The following PTPRD variants were observed in gnomAD, a reference collection of about 807,000 sequenced individuals.
PTPRD encodes receptor-type tyrosine-protein phosphatase delta.
In PTPRD, 34 loss-of-function variants were observed where a neutral mutation model predicts 214.5. The ratio of observed to expected loss-of-function variants is 0.16; its 90% confidence interval spans 0.12 to 0.21. PTPRD has a LOEUF of 0.21. Among genes scored for constraint, PTPRD ranks in the 10% least tolerant of loss-of-function variants. PTPRD has a pLI of 1.00. For synonymous variants in PTPRD, 1,128 were observed against 845.7 expected, an observed-to-expected ratio of 1.33 and a Z score of -5.79; for missense variants, 2,545 against 2,398.7, an observed-to-expected ratio of 1.06 and a Z score of -1.27.
At chr9:9,615,238 T>A (rs536639074) in intron 7 of PTPRD, among the ~76,000 whole-genome samples, 110 of 152,270 alleles carry the variant, frequency 7.2e-4, no homozygotes, top group Non-Finnish European at 1.3e-3. Flanking sequence ...ACCAAGTAGT[T>A]GCTCCTCCTG....
Position 9,963,528 on chromosome 9 carries a change from G to A in PTPRD, c.-471-24918C>T, listed in dbSNP as rs370778480. 1.4e-3 allele frequency among the ~76,000 whole-genome samples: 216 copies of A among 152,206 alleles called. 5 individuals are homozygous for A. In the South Asian group the frequency reaches 0.043, roughly 31 times the overall value. On this transcript the variant is annotated intron_variant, in intron 4 of 45. Transcript: ENST00000381196. ...ATGGAAACCAGATGGAAGCATCATCGAATAAATCAAGGAAATACAGTGGCA... is the reference window on the plus strand; with the variant it reads ...ATGGAAACCAGATGGAAGCATCATCAAATAAATCAAGGAAATACAGTGGCA...
chr9:10,113,909 T>A (rs2098710741), intron 3 of PTPRD, among the ~76,000 whole-genome samples: 1 of 152,182 alleles, frequency 6.6e-6, no homozygotes, highest in Non-Finnish European at 1.5e-5. Flanking sequence ...CGGGATTCAT[T>A]TACTGTTAGC....
intron 5 of PTPRD, among the ~76,000 whole-genome samples, chr9:9,840,812 G>A (rs1047801569): frequency 5.0e-5 from 7 of 140,714 alleles, no homozygotes; most frequent in African/African-American, 1.6e-4. Flanking sequence ...GAAAGGGGAA[G>A]GGAAATACAC....
At chr9:9,942,726 G>T (rs895616780) in intron 4 of PTPRD, among the ~76,000 whole-genome samples, 2 of 152,038 alleles carry the variant, frequency 1.3e-5, no homozygotes, top group Admixed American at 1.3e-4. Flanking sequence ...GGTAGTTTGA[G>T]CATGTTTTCA....
chr9:8,842,166 CT>C (rs2097571603), intron 11 of PTPRD, among the ~76,000 whole-genome samples: 1 of 151,934 alleles, frequency 6.6e-6, no homozygotes, highest in South Asian at 2.1e-4. Flanking sequence ...ATACCAGAAC[CT>C]GTGACGCTCC....
At chr9:9,505,835 C>G (rs543173735) in intron 8 of PTPRD, among the ~76,000 whole-genome samples, 3 of 151,552 alleles carry the variant, frequency 2.0e-5, no homozygotes, top group African/African-American at 7.2e-5. Flanking sequence ...ATATGCTTAA[C>G]TACTTCGTTT....
chr9:10,473,479 T>C (rs1383400770), intron 2 of PTPRD, among the ~76,000 whole-genome samples: 1 of 152,082 alleles, frequency 6.6e-6, no homozygotes, highest in Non-Finnish European at 1.5e-5. Flanking sequence ...ATTCCAACTA[T>C]AAAAACTAAT....
At chr9:9,448,140 G>A (rs560563550) in intron 8 of PTPRD, among the ~76,000 whole-genome samples, 11 of 151,946 alleles carry the variant, frequency 7.2e-5, no homozygotes, top group African/African-American at 2.7e-4. Flanking sequence ...TTTAAATCAG[G>A]GTAGTAACAA....
In PTPRD at chr9:10,515,432, CTAT is replaced by C. The variant is rs756142578; in HGVS notation, c.-600+96963_-600+96965del. The stretch of plus-strand genomic sequence containing the variant: ...GGGCAACGCCATTTGGCGATATACA[CTAT>C]TGCTAGCTTGAAGAACAAGAAAAAG... On this transcript the variant is annotated intron_variant, in intron 2 of 45. Transcript: ENST00000381196. Among the ~76,000 whole-genome samples, 3 of 151,976 alleles carry C rather than the reference CTAT, an allele frequency of 2.0e-5. No homozygotes were observed. In the East Asian group the frequency reaches 5.8e-4, roughly 29 times the overall value.
intron 11 of PTPRD, among the ~76,000 whole-genome samples, chr9:8,940,445 G>GATTTT: frequency 7.3e-5 from 1 of 13,776 alleles, no homozygotes; most frequent in African/African-American, 2.2e-4. Context: ...ACCACTCCCA[G>GATTTT]CTTTTTTTTT....
intron 3 of PTPRD, among the ~76,000 whole-genome samples, chr9:10,151,256 CTTTT>C (rs71321228): frequency 2.4e-4 from 3 of 12,376 alleles, no homozygotes; most frequent in African/African-American, 3.2e-4. Flanking sequence ...TTTTTGTTAA[CTTTT>C]TTTTTTTTTT....
chr9:8,357,033 T>A (rs913760222), intron 39 of PTPRD, among the ~76,000 whole-genome samples: 29 of 152,210 alleles, frequency 1.9e-4, no homozygotes, highest in Non-Finnish European at 4.4e-5. Flanking sequence ...GGAAGGGTAT[T>A]TATTCTGCTG....
At chr9:10,051,625 G>A (rs998931629) in intron 3 of PTPRD, among the ~76,000 whole-genome samples, 15 of 142,536 alleles carry the variant, frequency 1.1e-4, no homozygotes, top group Non-Finnish European at 1.5e-4. Context: ...AACAGTCCCC[G>A]GTGTGTGATG....
At chr9:9,106,102 C>G (rs976478505) in intron 10 of PTPRD, among the ~76,000 whole-genome samples, 1 of 152,120 alleles carries the variant, frequency 6.6e-6, no homozygotes, top group African/African-American at 2.4e-5. Context: ...TACAACATAG[C>G]AAGAGCTTCG....
intron 3 of PTPRD, among the ~76,000 whole-genome samples, chr9:10,101,426 G>C (rs1377293916): frequency 6.6e-6 from 1 of 151,644 alleles, no homozygotes; most frequent in African/African-American, 2.4e-5. Context: ...GGTAAGTAGA[G>C]TATGGCTAGT....
chr9:10,534,785 C>A (rs10959155), intron 2 of PTPRD, among the ~76,000 whole-genome samples: 9,047 of 152,172 alleles, frequency 0.059, 357 homozygotes, highest in Non-Finnish European at 0.086. Context: ...TGAGAGGCAC[C>A]ATTTCATTTA....
At chr9:9,372,738 C>T (rs550573674) in intron 9 of PTPRD, among the ~76,000 whole-genome samples, 6 of 152,268 alleles carry the variant, frequency 3.9e-5, no homozygotes, top group Non-Finnish European at 7.4e-5. Context: ...CATGTTTTCG[C>T]AGTGGCTGGT....
intron 7 of PTPRD, among the ~76,000 whole-genome samples, chr9:9,637,202 C>T (rs1564212631): frequency 6.6e-6 from 1 of 152,112 alleles, no homozygotes; most frequent in Non-Finnish European, 1.5e-5. Context: ...CATTTTCACA[C>T]ACAAAATACC....
chr9:8,421,939 G>T (rs564695546), intron 35 of PTPRD, among the ~76,000 whole-genome samples: 2 of 151,722 alleles, frequency 1.3e-5, no homozygotes, highest in South Asian at 4.2e-4. Flanking sequence ...CCTGAGCCCA[G>T]TAGTTCGAGA....
Sources: allele counts gnomAD v4.1 joint callset (sites outside exome capture counted in the v4.1 genomes callset), GRCh38; gene constraint gnomAD v4.1.1; transcripts MANE v1.5; gene names NCBI Gene and HGNC (gene_info 2026-07-23, HGNC 2026-07-21).